Variants in FBXL8 observed in about 807,000 individuals in gnomAD.
The protein encoded by FBXL8 is F-box and leucine rich repeat protein 8.
FBXL8 carries 13 observed loss-of-function variants against 8.2 expected under a neutral mutation model. The ratio of observed to expected loss-of-function variants is 1.58; its 90% confidence interval spans 1.03 to 2.51. The LOEUF is 2.51. Ranked by LOEUF, FBXL8 falls within the 30% of genes most tolerant of loss-of-function variation. The pLI, the probability that FBXL8 is intolerant of heterozygous loss-of-function variation, is 0.00. For synonymous variants in FBXL8, 271 were observed against 260.5 expected, an observed-to-expected ratio of 1.04 and a Z score of -0.39; for missense variants, 565 against 540.4, an observed-to-expected ratio of 1.05 and a Z score of -0.45.
intron 1 of FBXL8, among the ~76,000 whole-genome samples, chr16:67,160,626 G>T (rs1438539455): frequency 1.3e-5 from 2 of 152,204 alleles, no homozygotes; most frequent in African/African-American, 4.8e-5. Context: ...CAGAAGAATC[G>T]CTTGAACCCG....
At position 67,163,740 on chromosome 16, in the gene FBXL8, G is replaced by A; in HGVS notation, c.1045G>A (p.Ala349Thr). 6.3e-7 allele frequency: 1 copy of A among 1,595,810 alleles called. No homozygotes were observed. The highest frequency in any genetic ancestry group is 8.5e-7 in the Non-Finnish European group (1 of 1,178,338). ...CCACTCGGTGCTGGACGCCTTCCGC[G>A]CGCACTGCCCGCGCCTGCGCACCTA... is the stretch of plus-strand genomic sequence containing the variant. Reference protein sequence around the residue: ...VSHSVLDAFRAHCPRLRTYTL... With the variant: ...VSHSVLDAFRTHCPRLRTYTL... The change falls in exon 3 of 3, where the codon GCG (alanine) becomes ACG (threonine). Residue 349 changes from alanine to threonine, a missense_variant. Ala to Thr is a moderately conservative substitution (Grantham distance 58). Coordinates refer to ENST00000258200, the MANE Select transcript of FBXL8 (RefSeq NM_018378.3).
intron 1 of FBXL8, among the ~76,000 whole-genome samples, chr16:67,160,635 C>T (rs1371853607): frequency 6.6e-6 from 1 of 152,162 alleles, no homozygotes; most frequent in Admixed American, 6.5e-5. Context: ...CGCTTGAACC[C>T]GCGAGGCGGA....
intron 1 of FBXL8, chr16:67,160,412 C>T (rs946857179): frequency 2.0e-5 from 3 of 152,396 alleles, no homozygotes; most frequent in Admixed American, 2.0e-4. Context: ...CTTTAAGAAC[C>T]TTAAAACAAG....
At position 67,162,904 on chromosome 16, in the gene FBXL8, A is replaced by G; in HGVS notation, c.209A>G (p.His70Arg). ...LPPYLSACLD[H>R]IHNLRLEFEP... is the part of the protein sequence containing the mutation. The stretch of plus-strand genomic sequence containing the variant: ...CCTTATCTGTCCGCCTGCCTCGACC[A>G]CATTCACAACCTACGGCTGGAATTT... Residue 70 changes from histidine to arginine, a missense_variant, in exon 3 of 3, where the codon CAC becomes CGC. Transcript: ENST00000258200. The G allele has an allele frequency of 6.4e-7, 1 of 1,552,876 alleles. No individual in the cohort carries two copies. The highest frequency in any genetic ancestry group is 8.7e-7 in the Non-Finnish European group (1 of 1,147,796).
Position 67,163,916 on chromosome 16 carries a change from T to C in FBXL8, c.*96T>C. 6 of 1,500,258 alleles carry C rather than the reference T, an allele frequency of 4.0e-6. No individual in the cohort carries two copies. Among genetic ancestry groups the C allele is most frequent in the Non-Finnish European group, 5.4e-6 (6 of 1,119,540 alleles). The allele number at this position is 1,500,258 out of a possible 1,614,324, so 92.9% of individuals were successfully genotyped here. A position where few individuals can be genotyped will look rare whatever the true frequency, so the allele number is the denominator to read the frequency against. ...GCGCCCCGAGTGCTAGTGCCTTCTT[T>C]TGGGATTGTTGCCCCCCGGGTCTTT... is the stretch of plus-strand genomic sequence containing the variant. On this transcript the variant is annotated 3_prime_UTR_variant, in exon 3 of 3. Transcript: ENST00000258200.
Position 67,164,072 on chromosome 16 carries a change from C to A in FBXL8, c.*252C>A. ...CTGCCCCCCTCTCTTGCCTCCACCCCTCTGCGGACTCTGCAGCTCCGCGGC... is the reference window on the plus strand; with the variant it reads ...CTGCCCCCCTCTCTTGCCTCCACCCATCTGCGGACTCTGCAGCTCCGCGGC... On this transcript the variant is annotated 3_prime_UTR_variant, in exon 3 of 3. Transcript: ENST00000258200. 1.4e-6 allele frequency: 1 copy of A among 698,984 alleles called. No homozygotes were observed. Among genetic ancestry groups the A allele is most frequent in the Non-Finnish European group, 2.6e-6 (1 of 385,766 alleles). The allele number at this position is 698,984 out of a possible 1,614,324, so 43.3% of individuals were successfully genotyped here. A position where few individuals can be genotyped will look rare whatever the true frequency, so the allele number is the denominator to read the frequency against.
chr16:67,163,299 A>G lies in FBXL8; in HGVS notation c.604A>G (p.Ser202Gly), dbSNP rs1274323615. ...RLRALGLHLA[S>G]LSHAILEALA... Reference sequence around the variant, plus strand: ...GCGCGCTCTCGGCCTGCACCTAGCCAGTTTGTCGCACGCCATCCTCGAAGC... The same window carrying G: ...GCGCGCTCTCGGCCTGCACCTAGCCGGTTTGTCGCACGCCATCCTCGAAGC... The change falls in exon 3 of 3, where the codon AGT (serine) becomes GGT (glycine). Residue 202 changes from serine to glycine, a missense_variant. By Grantham distance (56) the Ser-to-Gly change is moderately conservative. Transcript: ENST00000258200. 12 of 1,576,388 alleles carry G rather than the reference A, an allele frequency of 7.6e-6. No individual in the cohort carries two copies. The highest frequency in any genetic ancestry group is 9.5e-6 in the Non-Finnish European group (11 of 1,163,618).
chr16:67,162,695 C>A, intron 2 of FBXL8, 153 bp from the exon 3 acceptor site: 1 of 1,059,536 alleles, frequency 9.4e-7, no homozygotes. Context: ...CGAGTTCCCT[C>A]CTTTGGGGCA....
chr16:67,161,930 A>G lies in FBXL8; in HGVS notation c.145A>G (p.Lys49Glu), dbSNP rs564496926. 6.2e-7 allele frequency: 1 copy of G among 1,606,992 alleles called. No homozygotes were observed. Among genetic ancestry groups the G allele is most frequent in the African/African-American group, 1.3e-5 (1 of 74,964 alleles). Residue 49 changes from lysine to glutamate, a missense_variant, in exon 2 of 3, where the codon AAA (lysine) becomes GAA (glutamate). Transcript: ENST00000258200. ...CTGCAGCGCCGTGTGGCACGACACAAAAATCAGGTGAGCCTGCTCCTCCAC... is the reference window on the plus strand; with the variant it reads ...CTGCAGCGCCGTGTGGCACGACACAGAAATCAGGTGAGCCTGCTCCTCCAC... Reference protein sequence around the residue: ...ATCSAVWHDTKISCECELEGM... With the variant: ...ATCSAVWHDTEISCECELEGM...
In FBXL8 at chr16:67,162,985, C is replaced by A. The variant is rs772025378; in HGVS notation, c.290C>A (p.Ala97Glu). The A allele has an allele frequency of 1.9e-6, 3 of 1,558,588 alleles. No individual in the cohort carries two copies. Among genetic ancestry groups the A allele is most frequent in the South Asian group, 1.2e-5 (1 of 84,738 alleles). ...RAAIELLMVL[A>E]GRAPGLRGLR... ...GCCATCGAGCTGCTGATGGTTCTGG[C>A]GGGCCGTGCCCCGGGGCTGCGAGGC... Residue 97 changes from alanine (A) to glutamate (E), a missense_variant, in exon 3 of 3, where the codon GCG becomes GAG. Physicochemically the swap from Ala to Glu is moderately radical, Grantham distance 107. Coordinates refer to ENST00000258200, the MANE Select transcript of FBXL8 (RefSeq NM_018378.3).
intron 2 of FBXL8, 62 bp downstream of exon 2, chr16:67,161,999 G>A: frequency 6.7e-7 from 1 of 1,488,016 alleles, no homozygotes; most frequent in Non-Finnish European, 8.9e-7. Flanking sequence ...TGGAGTCGTG[G>A]GCTAGGTAGA....
intron 1 of FBXL8, chr16:67,161,308 T>A (rs570820546): frequency 1.4e-4 from 23 of 159,990 alleles, no homozygotes; most frequent in South Asian, 1.9e-4. Flanking sequence ...CCAGGCGTGG[T>A]GGCGTGCCCC....
intron 1 of FBXL8, chr16:67,161,005 C>T (rs1451943597): frequency 6.5e-6 from 1 of 153,172 alleles, no homozygotes; most frequent in Non-Finnish European, 1.5e-5. Context: ...GAAGGAGCCT[C>T]CCCTCCAGGG....
chr16:67,163,079 C>T lies in FBXL8; in HGVS notation c.384C>T (p.His128=). 1 of 1,580,112 alleles carries T rather than the reference C, an allele frequency of 6.3e-7. No individual in the cohort carries two copies. The highest frequency in any genetic ancestry group is 8.6e-7 in the Non-Finnish European group (1 of 1,163,170). ...DAGRDVLEAV[H]AVCGAASQLR... is the part of the protein sequence containing the mutation. The stretch of plus-strand genomic sequence containing the variant: ...GCCGCGACGTCCTGGAGGCTGTGCA[C>T]GCTGTATGCGGGGCGGCCAGCCAGC... Residue 128 remains histidine (H), a synonymous_variant, in exon 3 of 3, where the codon CAC becomes CAT. Transcript: ENST00000258200.
In FBXL8 at chr16:67,164,129, G is replaced by A. The variant is rs575941869; in HGVS notation, c.*309G>A. On this transcript the variant is annotated 3_prime_UTR_variant, in exon 3 of 3. Coordinates refer to ENST00000258200, the MANE Select transcript of FBXL8 (RefSeq NM_018378.3). ...GCAGGGAGAGGGAGGGCACGGGCGC[G>A]GGCCGGGCCTCAAGGGTGAGTGTGA... 64 of 660,848 alleles carry A rather than the reference G, an allele frequency of 9.7e-5. No individual in the cohort carries two copies. The highest frequency in any genetic ancestry group is 5.6e-4 in the Admixed American group (26 of 46,432). 40.9% of individuals were successfully genotyped at this position (660,848 alleles called of 1,614,324 possible). A position where few individuals can be genotyped will look rare whatever the true frequency, so the allele number is the denominator to read the frequency against.
At chr16:67,161,157 C>T (rs528649219) in intron 1 of FBXL8, 1 of 172,804 alleles carries the variant, frequency 5.8e-6, no homozygotes, top group African/African-American at 2.4e-5. Context: ...TGGGGTTTCT[C>T]AGGCCGGGCG....
rs771745574 is a variant in FBXL8, at chr16:67,163,587, C to T, written c.892C>T (p.His298Tyr). The change falls in exon 3 of 3, where the codon CAC (histidine) becomes TAC (tyrosine). Residue 298 changes from histidine to tyrosine, a missense_variant. By Grantham distance (83) the His-to-Tyr change is moderately conservative. Coordinates refer to ENST00000258200, the MANE Select transcript of FBXL8 (RefSeq NM_018378.3). ...AGGCCCAGTGCGCTTCGCAGCACAC[C>T]ACTACGCCGCAACCCTGTGCGCGCT... ...TVGPVRFAAH[H>Y]YAATLCALEV... The T allele has an allele frequency of 1.9e-6, 3 of 1,579,568 alleles. No homozygotes were observed. The South Asian group carries it at 3.4e-5, about 18-fold the overall frequency.
rs1269226471 is a variant in FBXL8 at position 67,163,341 on chromosome 16, C to G, written c.646C>G (p.Arg216Gly). ...CCTCGAAGCACTGGCGGCGCCAGACCGAGCGCCTTTCGCGCTCTTGGCTCT... is the reference window on the plus strand; with the variant it reads ...CCTCGAAGCACTGGCGGCGCCAGACGGAGCGCCTTTCGCGCTCTTGGCTCT... ...AILEALAAPD[R>G]APFALLALRC... The change falls in exon 3 of 3, where the codon CGA becomes GGA. Residue 216 changes from arginine to glycine, a missense_variant. Arg to Gly is a moderately radical substitution (Grantham distance 125). Transcript: ENST00000258200. 3 of 1,563,654 alleles carry G rather than the reference C, an allele frequency of 1.9e-6. No individual in the cohort carries two copies. The highest frequency in any genetic ancestry group is 1.1e-5 in the South Asian group (1 of 87,158).
chr16:67,163,669 C>T lies in FBXL8; in HGVS notation c.974C>T (p.Ala325Val). ...AACGCCGCGCTGGAGGAGCTGGCGG[C>T]GCGCTGCGCGGCCCTGCGCGAGGTG... Reference protein sequence around the residue: ...ELNAALEELAARCAALREVHC... With the variant: ...ELNAALEELAVRCAALREVHC... Residue 325 changes from alanine to valine, a missense_variant, in exon 3 of 3, where the codon GCG becomes GTG. By Grantham distance (64) the Ala-to-Val change is moderately conservative. Transcript: ENST00000258200. The T allele has an allele frequency of 1.3e-6, 2 of 1,574,352 alleles. No homozygotes were observed. Among genetic ancestry groups the T allele is most frequent in the Non-Finnish European group, 8.6e-7 (1 of 1,168,524 alleles).
Sources: gnomAD v4.1 joint callset for allele counts (sites outside exome capture counted in the v4.1 genomes callset) on GRCh38, gnomAD v4.1.1 for gene constraint, MANE v1.5 for transcripts, NCBI Gene and HGNC (gene_info 2026-07-23, HGNC 2026-07-21) for gene names.